The following CYB5D2 variants were observed in gnomAD, a reference collection of about 807,000 sequenced individuals.
The protein encoded by CYB5D2 is neuferricin.
In CYB5D2, 23 loss-of-function variants were observed where a neutral mutation model predicts 22.8. The ratio of observed to expected loss-of-function variants is 1.01; its 90% CI spans 0.73 to 1.43. CYB5D2 has a LOEUF of 1.43. Ranked by LOEUF, CYB5D2 falls within the 40% of genes most tolerant of loss-of-function variation. CYB5D2 has a pLI of 0.00. For synonymous variants in CYB5D2, 170 were observed against 152.2 expected (o/e 1.12, Z -0.86); for missense variants, 373 against 357.2 (o/e 1.04, Z -0.36).
At chr17:4,150,746 C>T (rs779714703) in intron 2 of CYB5D2, among the ~76,000 whole-genome samples, 32 of 152,140 alleles carry the variant, frequency 2.1e-4, no homozygotes, top group Admixed American at 5.9e-4. Flanking sequence ...ATTACCTGGG[C>T]GTGGTGGCAC....
Position 4,143,616 on chromosome 17 carries a change from A to C in CYB5D2, c.-140A>C. On this transcript the variant is annotated 5_prime_UTR_variant, in exon 1 of 4. Coordinates refer to ENST00000301391, the MANE Select transcript of CYB5D2 (RefSeq NM_144611.4). ...AATACAGATAAAACGAGAGAGACTA[A>C]GGGAGGGAGCGCGAGCACTAGCGCG... 1.6e-6 allele frequency: 2 copies of C among 1,218,654 alleles called. No individual in the cohort carries two copies. The highest frequency in any genetic ancestry group is 4.7e-5 in the Admixed American group (2 of 42,640). 75.5% of individuals were successfully genotyped at this position (1,218,654 alleles called of 1,614,324 possible).
At chr17:4,149,863 G>A (rs2059035012) in intron 1 of CYB5D2, 28 bp from the exon 2 acceptor site, 2 of 1,603,248 alleles carry the variant, frequency 1.2e-6, no homozygotes, top group Admixed American at 1.7e-5. Flanking sequence ...GTTTACACCT[G>A]GGTCTGATGG....
At position 4,156,958 on chromosome 17, in the gene CYB5D2, G is replaced by C. The variant is rs761511031; in HGVS notation, c.671G>C (p.Gly224Ala). Residue 224 changes from glycine (G) to alanine (A), a missense_variant, in exon 4 of 4, where the codon GGC becomes GCC. Transcript: ENST00000301391. Reference protein sequence around the residue: ...EPRCVCVRTTGPPSGQMPDNP... With the variant: ...EPRCVCVRTTAPPSGQMPDNP... ...CGCTGCGTGTGTGTGAGAACCACCG[G>C]CCCCCCTAGTGGCCAGATGCCGGAC... 1 of 1,612,770 alleles carries C rather than the reference G, an allele frequency of 6.2e-7. No homozygotes were observed. Among genetic ancestry groups the C allele is most frequent in the South Asian group, 1.1e-5 (1 of 91,002 alleles).
intron 1 of CYB5D2, among the ~76,000 whole-genome samples, chr17:4,147,776 C>G: frequency 6.6e-6 from 1 of 152,212 alleles, no homozygotes; most frequent in East Asian, 1.9e-4. Flanking sequence ...TTGCTTGAAC[C>G]TGGGAGGCAG....
At position 4,157,391 on chromosome 17, in the gene CYB5D2, A is replaced by C. The variant is rs1158222686; in HGVS notation, c.*309A>C. On this transcript the variant is annotated 3_prime_UTR_variant, in exon 4 of 4. Coordinates refer to ENST00000301391, the MANE Select transcript of CYB5D2 (RefSeq NM_144611.4). The surrounding 1 kb of genome is among the most constrained non-coding windows in gnomAD (Gnocchi z 4.4). ...TAAGACCAACTCAATTTCCACTTGA[A>C]TTTACAACCAAAAGCCTGCTGAGTT... 2 of 442,878 alleles carry C rather than the reference A, an allele frequency of 4.5e-6. No homozygotes were observed. The highest frequency in any genetic ancestry group is 8.9e-5 in the East Asian group (2 of 22,462). 27.4% of individuals were successfully genotyped at this position (442,878 alleles called of 1,614,324 possible). A position where few individuals can be genotyped will look rare whatever the true frequency, so the allele number is the denominator to read the frequency against.
In CYB5D2 at chr17:4,143,366, A is replaced by G. The variant is rs528449303; in HGVS notation, c.-390A>G. The G allele has an allele frequency of 4.9e-4, 89 of 181,940 alleles. No homozygotes were observed. The highest frequency in any genetic ancestry group is 2.1e-3 in the African/African-American group (87 of 42,158). 11.3% of individuals were successfully genotyped at this position (181,940 alleles called of 1,614,324 possible). A position where few individuals can be genotyped will look rare whatever the true frequency, so the allele number is the denominator to read the frequency against. ...ACGTGGTGAAACCCTGTCTCTACTAAATACAAAATATTAGCCGGACGTGGG... is the reference window on the plus strand; with the variant it reads ...ACGTGGTGAAACCCTGTCTCTACTAGATACAAAATATTAGCCGGACGTGGG... On this transcript the variant is annotated 5_prime_UTR_variant, in exon 1 of 4. Coordinates refer to ENST00000301391, the MANE Select transcript of CYB5D2 (RefSeq NM_144611.4).
intron 2 of CYB5D2, among the ~76,000 whole-genome samples, chr17:4,153,966 CA>C (rs2059085571): frequency 6.6e-6 from 1 of 152,244 alleles, no homozygotes; most frequent in Non-Finnish European, 1.5e-5. Context: ...GCACCTCCCT[CA>C]AGTGCTTCCT....
At position 4,144,018 on chromosome 17, in the gene CYB5D2, C is replaced by T. The variant is rs750166987; in HGVS notation, c.250+13C>T. 1.1e-5 allele frequency: 18 copies of T among 1,572,784 alleles called. No homozygotes were observed. The East Asian group carries it at 3.6e-4, about 32-fold the overall frequency. ...AGCGGCTTCGCAGGTATCAGCGAGG[C>T]TGCTCACGCCTTTCTCTCCGCTGGC... On this transcript the variant is annotated intron_variant, in intron 1 of 3. Coordinates refer to ENST00000301391, the MANE Select transcript of CYB5D2 (RefSeq NM_144611.4).
At position 4,155,006 on chromosome 17, in the gene CYB5D2, C is replaced by T. The variant is rs2059099130; in HGVS notation, c.578+146C>T. The T allele has an allele frequency of 3.3e-6, 3 of 912,126 alleles. No individual in the cohort carries two copies. In the South Asian group the frequency reaches 5.5e-5, roughly 17 times the overall value. The allele number at this position is 912,126 out of a possible 1,614,324, so 56.5% of individuals were successfully genotyped here. A position where few individuals can be genotyped will look rare whatever the true frequency, so the allele number is the denominator to read the frequency against. On this transcript the variant is annotated intron_variant, in intron 3 of 3. Transcript: ENST00000301391. ...TACTGATAATAATTCTCAACTTTGG[C>T]TGCATATTAGATCTTCTGGGGAATT...
intron 3 of CYB5D2, among the ~76,000 whole-genome samples, chr17:4,156,557 T>G (rs529941761): frequency 6.6e-6 from 1 of 152,332 alleles, no homozygotes; most frequent in South Asian, 2.1e-4. Context: ...TCACAGCTGT[T>G]GCCACCAGTG....
intron 1 of CYB5D2, among the ~76,000 whole-genome samples, chr17:4,146,586 T>A (rs2058994520): frequency 6.6e-6 from 1 of 151,994 alleles, no homozygotes; most frequent in Non-Finnish European, 1.5e-5. Flanking sequence ...GAGACGGGGT[T>A]TCACTGTGTT....
At chr17:4,150,755 A>T (rs891984421) in intron 2 of CYB5D2, among the ~76,000 whole-genome samples, 1 of 152,142 alleles carries the variant, frequency 6.6e-6, no homozygotes, top group South Asian at 2.1e-4. Context: ...GCGTGGTGGC[A>T]CGCACCTGTA....
At chr17:4,145,375 G>A (rs79839433) in intron 1 of CYB5D2, among the ~76,000 whole-genome samples, 2,636 of 152,328 alleles carry the variant, frequency 0.017, 76 homozygotes, top group African/African-American at 0.06. Context: ...AGCAGGGGAA[G>A]GGACTTACTC....
chr17:4,144,468 C>T (rs947405228), intron 1 of CYB5D2, among the ~76,000 whole-genome samples: 1 of 152,046 alleles, frequency 6.6e-6, no homozygotes, highest in Non-Finnish European at 1.5e-5. Flanking sequence ...AAGGTTCATC[C>T]ATGGTTTATG....
In CYB5D2 at chr17:4,143,738, G is replaced by A; in HGVS notation, c.-18G>A. 6.3e-7 allele frequency: 1 copy of A among 1,593,234 alleles called. No homozygotes were observed. Among genetic ancestry groups the A allele is most frequent in the East Asian group, 2.3e-5 (1 of 44,370 alleles). On this transcript the variant is annotated 5_prime_UTR_variant, in exon 1 of 4. Transcript: ENST00000301391. ...GAGGCGGCAACCTCGGAAGTGCGGA[G>A]CGGGTGGGCCTATATAGATGTTGAG...
intron 1 of CYB5D2, among the ~76,000 whole-genome samples, chr17:4,145,799 G>T (rs7208820): frequency 0.21 from 31,935 of 152,090 alleles, 3,436 homozygotes; most frequent in Middle Eastern, 0.27. Context: ...ACAATTCAGT[G>T]GGGTTTTTTG....
At position 4,143,552 on chromosome 17, in the gene CYB5D2, G is replaced by A. The variant is rs1357793618; in HGVS notation, c.-204G>A. ...CAGAAAAAAAAAAAAAAAGTACCTG[G>A]AAAAAGTCGCAGACAGCGAGCTTTT... On this transcript the variant is annotated 5_prime_UTR_variant, in exon 1 of 4. Transcript: ENST00000301391. 8.3e-6 allele frequency: 5 copies of A among 602,062 alleles called. No homozygotes were observed. Among genetic ancestry groups the A allele is most frequent in the Non-Finnish European group, 1.1e-5 (4 of 376,912 alleles). 37.3% of individuals were successfully genotyped at this position (602,062 alleles called of 1,614,324 possible).
At position 4,143,786 on chromosome 17, in the gene CYB5D2, T is replaced by C. The variant is rs968223530; in HGVS notation, c.31T>C (p.Leu11=). 1.2e-6 allele frequency: 2 copies of C among 1,614,022 alleles called. No homozygotes were observed. The highest frequency in any genetic ancestry group is 1.7e-6 in the Non-Finnish European group (2 of 1,179,982). The change falls in exon 1 of 4, where the codon TTG becomes CTG. Residue 11 remains leucine (L), a synonymous_variant. Transcript: ENST00000301391. MLRCGGRGLL[L]GLAVAAAAVM... ...GAGGTGCGGAGGCCGTGGGCTTTTG[T>C]TGGGCCTGGCTGTAGCCGCAGCAGC...
rs199790826 is a variant in CYB5D2, at chr17:4,148,828, C to CA, written c.251-1054dup. On this transcript the variant is annotated intron_variant, in intron 1 of 3. Coordinates refer to ENST00000301391, the MANE Select transcript of CYB5D2 (RefSeq NM_144611.4). ...GACGAGCAAAATTCCGTCTCATGCA[C>CA]AAAAAAAAAGAACTGCATTCCTGGA... 3.9e-4 allele frequency among the ~76,000 whole-genome samples: 58 copies of CA among 150,014 alleles called. 1 individual carries two copies. In the East Asian group the frequency reaches 4.1e-3, roughly 11 times the overall value.
Sources: gnomAD v4.1 joint callset for allele counts (sites outside exome capture counted in the v4.1 genomes callset) on GRCh38, gnomAD v4.1.1 for gene constraint, Gnocchi (gnomAD v3.1) non-coding constraint, MANE v1.5 for transcripts, NCBI Gene and HGNC (gene_info 2026-07-23, HGNC 2026-07-21) for gene names.